TJAP1: variants seen among roughly 807,000 people sequenced by gnomAD.
TJAP1 encodes the protein tight junction-associated protein 1.
TJAP1 carries 27 observed loss-of-function variants against 42.0 expected under a neutral mutation model. The observed-to-expected ratio is 0.64, with a 90% CI of 0.47 to 0.89. The LOEUF (loss-of-function observed/expected upper bound fraction) is 0.89. Among genes scored for constraint, TJAP1 ranks in the 40% least tolerant of loss-of-function variants. The pLI is 0.00. For synonymous variants in TJAP1, 257 were observed against 288.4 expected (o/e 0.89, Z 1.10); for missense variants, 712 against 726.9 (o/e 0.98, Z 0.24).
rs887446342 is a variant in TJAP1 at position 43,505,998 on chromosome 6, G to A, written c.*143G>A. 4 of 871,496 alleles carry A rather than the reference G, an allele frequency of 4.6e-6. No individual in the cohort carries two copies. In the African/African-American group the frequency reaches 6.9e-5, roughly 15 times the overall value. The allele number at this position is 871,496 out of a possible 1,614,324, so 54.0% of individuals were successfully genotyped here. On this transcript the variant is annotated 3_prime_UTR_variant, in exon 11 of 11. Transcript: ENST00000372449. This position sits in a 1 kb window ranked among gnomAD's most constrained non-coding sequence, Gnocchi z 5.5. ...CTGTTTCCTGTGTGGATGGGGTCAG[G>A]TTGTGGGCCATGCCAGGCCTGTCAG...
chr6:43,503,153 C>T, intron 8 of TJAP1: 4 of 552,312 alleles, frequency 7.2e-6, no homozygotes, highest in Middle Eastern at 4.8e-4. Context: ...ATGGACAGCT[C>T]TTATACTGCC....
intron 2 of TJAP1, among the ~76,000 whole-genome samples, chr6:43,482,906 G>A (rs1562238135): frequency 2.0e-5 from 3 of 151,954 alleles, no homozygotes; most frequent in African/African-American, 4.8e-5. Flanking sequence ...GGTGAATCAC[G>A]AGATCAGGAG....
exon 9 of TJAP1, chr6:43,503,460 C>G: frequency 6.2e-7 from 1 of 1,614,200 alleles, no homozygotes; most frequent in Non-Finnish European, 8.5e-7. Flanking sequence ...AGCTGACCAA[C>G]AAGCTGCTGG....
chr6:43,501,927 A>ACTCT (rs201624955), intron 6 of TJAP1, among the ~76,000 whole-genome samples: 2 of 71,596 alleles, frequency 2.8e-5, no homozygotes, highest in East Asian at 3.7e-4. Flanking sequence ...ACACACACAC[A>ACTCT]CTCTCTCTCT....
intron 6 of TJAP1, 129 bp downstream of exon 6, chr6:43,501,816 G>A (rs1480542206): frequency 1.6e-6 from 1 of 608,326 alleles, no homozygotes; most frequent in African/African-American, 2.0e-5. Flanking sequence ...TAGGAGGTTA[G>A]CTGGAAGATG....
At chr6:43,488,622 A>G (rs1290668446) in intron 2 of TJAP1, among the ~76,000 whole-genome samples, 5 of 152,150 alleles carry the variant, frequency 3.3e-5, no homozygotes, top group African/African-American at 1.2e-4. Flanking sequence ...TGATTTCTGA[A>G]ACCTTGAATT....
At chr6:43,503,731 G>A in intron 10 of TJAP1, 25 bp downstream of exon 10, 9 of 1,604,700 alleles carry the variant, frequency 5.6e-6, no homozygotes, top group Non-Finnish European at 6.0e-6. Flanking sequence ...CCCCCTCCCT[G>A]CCCACATAGA....
chr6:43,502,482 TGCAGTG>T, intron 7 of TJAP1, 100 bp from the exon 8 acceptor site: 2 of 1,495,076 alleles, frequency 1.3e-6, no homozygotes, highest in Admixed American at 3.9e-5. Context: ...GTGGGGGTAC[TGCAGTG>T]TGCTCTGCAA....
In TJAP1 at chr6:43,505,715, A is replaced by C. The variant is rs1792211503; in HGVS notation, c.1534A>C (p.Thr512Pro). The change falls in exon 11 of 11, where the codon ACT (threonine) becomes CCT (proline). Residue 512 changes from threonine (T) to proline (P), a missense_variant. Thr to Pro is a conservative substitution (Grantham distance 38). Around this residue, in one of 3 missense-constraint regions of TJAP1, gnomAD observed 549 missense variants for 528.2 expected, o/e 1.04. Coordinates refer to ENST00000372449, the Ensembl canonical transcript of TJAP1. The surrounding 1 kb of genome is among the most constrained non-coding windows in gnomAD (Gnocchi z 5.5). ...CAGGGGCACAGAGGAGGGGCCAGGC[A>C]CTTCCCACACCGAGGGCAGGGCCTG... The C allele has an allele frequency of 6.3e-7, 1 of 1,576,880 alleles. No individual in the cohort carries two copies.
exon 9 of TJAP1, chr6:43,503,421 T>C: frequency 6.2e-7 from 1 of 1,613,720 alleles, no homozygotes; most frequent in East Asian, 2.2e-5. Flanking sequence ...CTGAGATGGA[T>C]AGGAAGACGC....
At chr6:43,501,045 C>T (rs997110588) in intron 5 of TJAP1, 2 of 506,764 alleles carry the variant, frequency 3.9e-6, no homozygotes, top group Non-Finnish European at 7.1e-6. Flanking sequence ...CCTTCCCCAG[C>T]TCCTGGCTCC....
chr6:43,501,145 A>G (rs968873696), intron 5 of TJAP1: 1 of 374,808 alleles, frequency 2.7e-6, no homozygotes, highest in African/African-American at 2.1e-5. Flanking sequence ...GAGATGAATA[A>G]TGGAGAAGCC....
Position 43,502,665 on chromosome 6 carries a change from C to T in TJAP1, c.387+48C>T, listed in dbSNP as rs1791217335. 3 of 1,546,768 alleles carry T rather than the reference C, an allele frequency of 1.9e-6. No homozygotes were observed. The East Asian group carries it at 7.3e-5, about 38-fold the overall frequency. On this transcript the variant is annotated intron_variant, in intron 8 of 10. Transcript: ENST00000372449. Reference sequence around the variant, plus strand: ...TTCTCCCTTGCCCTGGCCTTCTCCTCAGCTGAGATCTGGGATTGTGGGCCC... The same window carrying T: ...TTCTCCCTTGCCCTGGCCTTCTCCTTAGCTGAGATCTGGGATTGTGGGCCC...
At chr6:43,494,579 C>CCTCA (rs1336426074) in intron 2 of TJAP1, among the ~76,000 whole-genome samples, 3 of 149,286 alleles carry the variant, frequency 2.0e-5, no homozygotes, top group East Asian at 3.9e-4. Flanking sequence ...AGTCATCTGC[C>CCTCA]CTCAGTTCCT....
chr6:43,501,921 ACACACACTCTCTCT>A lies in TJAP1; in HGVS notation c.290+236_290+249del, dbSNP rs1184536328. Among the ~76,000 whole-genome samples the A allele has an allele frequency of 3.8e-3, 426 of 113,402 alleles. 10 individuals are homozygous for A. The highest frequency in any genetic ancestry group is 0.017 in the African/African-American group (409 of 24,496). 74.4% of individuals were successfully genotyped at this position (113,402 alleles called of 152,430 possible). A position where few individuals can be genotyped will look rare whatever the true frequency, so the allele number is the denominator to read the frequency against. On this transcript the variant is annotated intron_variant, in intron 6 of 10. Coordinates refer to ENST00000372449, the Ensembl canonical transcript of TJAP1. Reference sequence around the variant, plus strand: ...CACACACACACACACACACACACACACACACACTCTCTCTCTCTCTCTCTCTCTCTCTCTCCTTT... The same window carrying A: ...CACACACACACACACACACACACACACTCTCTCTCTCTCTCTCTCTCCTTT...
At chr6:43,506,511 CATTG>C (rs1258926792) in exon 11 of TJAP1, 3 of 152,748 alleles carry the variant, frequency 2.0e-5, no homozygotes, top group Admixed American at 6.5e-5. Context: ...GAAATTTTCA[CATTG>C]ATGACTATTT....
rs966762490 is a variant in TJAP1, at chr6:43,491,205, G to C, written c.-121-6676G>C. Among the ~76,000 whole-genome samples the C allele has an allele frequency of 6.6e-6, 1 of 152,170 alleles. No homozygotes were observed. The highest frequency in any genetic ancestry group is 1.5e-5 in the Non-Finnish European group (1 of 68,022). On this transcript the variant is annotated intron_variant, in intron 2 of 10. Transcript: ENST00000372449. This position sits in a 1 kb window ranked among gnomAD's most constrained non-coding sequence, Gnocchi z 4.6. ...GGAGCGAGGAGGATAGCACTCCTGA[G>C]CGGGATGATGATTTCTCGGAGGTTG...
Position 43,492,985 on chromosome 6 carries a change from T to G in TJAP1, c.-121-4896T>G, listed in dbSNP as rs1392737375. Among the ~76,000 whole-genome samples the G allele has an allele frequency of 6.6e-6, 1 of 152,168 alleles. No individual in the cohort carries two copies. The highest frequency in any genetic ancestry group is 6.5e-5 in the Admixed American group (1 of 15,280). On this transcript the variant is annotated intron_variant, in intron 2 of 10. Coordinates refer to ENST00000372449, the Ensembl canonical transcript of TJAP1. This position sits in a 1 kb window ranked among gnomAD's most constrained non-coding sequence, Gnocchi z 4.2. Reference sequence around the variant, plus strand: ...TCCCTGTGTGATCAGACATTTGTGTTTTAGTGGTTGATGAGGGGCTTTAGG... The same window carrying G: ...TCCCTGTGTGATCAGACATTTGTGTGTTAGTGGTTGATGAGGGGCTTTAGG...
At chr6:43,501,489 A>G in intron 5 of TJAP1, 37 bp from the exon 6 acceptor site, 4 of 1,593,106 alleles carry the variant, frequency 2.5e-6, no homozygotes, top group Non-Finnish European at 3.4e-6. Flanking sequence ...TCTATCTCTC[A>G]TACCCCTCTG....
Sources: allele counts gnomAD v4.1 joint callset (sites outside exome capture counted in the v4.1 genomes callset), GRCh38; gene constraint gnomAD v4.1.1; regional missense constraint gnomAD v4.1.1; non-coding constraint Gnocchi (gnomAD v3.1); transcripts MANE v1.5; gene names NCBI Gene and HGNC (gene_info 2026-07-23, HGNC 2026-07-21).